Variants in PTDSS2 observed in about 807,000 individuals in gnomAD.
The protein encoded by PTDSS2 is phosphatidylserine synthase 2, also known as PSS-2.
Under a neutral mutation model 64.7 loss-of-function variants are expected in PTDSS2, and 41 were observed. That is an observed-to-expected ratio of 0.63 (90% CI 0.49 to 0.82). The LOEUF is 0.82. Among genes scored for constraint, PTDSS2 ranks in the 40% least tolerant of loss-of-function variants. The pLI, the probability that PTDSS2 is intolerant of heterozygous loss-of-function variation, is 0.00. For missense variants in PTDSS2, 485 were observed against 650.0 expected (o/e 0.75, Z 2.76); for synonymous variants, 297 against 277.8 (o/e 1.07, Z -0.69).
At chr11:468,367 G>T (rs574503791) in intron 2 of PTDSS2, among the ~76,000 whole-genome samples, 1 of 152,240 alleles carries the variant, frequency 6.6e-6, no homozygotes, top group Non-Finnish European at 1.5e-5. Context: ...AGGCCACTCT[G>T]TGTGGCACCA....
intron 6 of PTDSS2, among the ~76,000 whole-genome samples, chr11:487,978 CCGGGGTGGGGGCTG>C (rs1848472653): frequency 6.6e-6 from 1 of 152,124 alleles, no homozygotes; most frequent in Non-Finnish European, 1.5e-5. Context: ...ATGCTGCCAG[CCGGGGTGGGGGCTG>C]CACGCACCCG....
At chr11:453,216 G>C (rs916421329) in intron 1 of PTDSS2, among the ~76,000 whole-genome samples, 1 of 152,196 alleles carries the variant, frequency 6.6e-6, no homozygotes, top group African/African-American at 2.4e-5. Flanking sequence ...GGGTAGCAAG[G>C]ACAATTATGG....
At chr11:452,446 G>A (rs1756701784) in intron 1 of PTDSS2, among the ~76,000 whole-genome samples, 1 of 152,246 alleles carries the variant, frequency 6.6e-6, no homozygotes. Flanking sequence ...GTAGGAGGGG[G>A]CCGGTCTCTT....
Position 456,445 on chromosome 11 carries a change from G to C in PTDSS2, c.183-3742G>C, listed in dbSNP as rs1329320870. 2.0e-5 allele frequency among the ~76,000 whole-genome samples: 3 copies of C among 151,498 alleles called. No individual in the cohort carries two copies. The East Asian group carries it at 5.8e-4, about 29-fold the overall frequency. On this transcript the variant is annotated intron_variant, in intron 1 of 11. Transcript: ENST00000308020. ...TCCTGCCTCAGCCTCCCAAAGCTCTGGAATTACAGGTGTGAGCCACGGTAC... is the reference window on the plus strand; with the variant it reads ...TCCTGCCTCAGCCTCCCAAAGCTCTCGAATTACAGGTGTGAGCCACGGTAC...
chr11:450,727 T>A, intron 1 of PTDSS2, 90 bp downstream of exon 1: 1 of 1,111,020 alleles, frequency 9.0e-7, no homozygotes, highest in Non-Finnish European at 1.1e-6. Flanking sequence ...GGCAGCGCCC[T>A]CTCGCCGTCT....
At chr11:482,458 A>T (rs1168449493) in intron 4 of PTDSS2, among the ~76,000 whole-genome samples, 1 of 151,998 alleles carries the variant, frequency 6.6e-6, no homozygotes, top group East Asian at 1.9e-4. Context: ...CCTGGTCTCA[A>T]GTGAGCCACC....
rs1466643393 is a variant in PTDSS2, at chr11:462,531, G to T, written c.284+2243G>T. Among the ~76,000 whole-genome samples the T allele has an allele frequency of 6.6e-6, 1 of 152,218 alleles. No individual in the cohort carries two copies. The highest frequency in any genetic ancestry group is 1.9e-4 in the East Asian group (1 of 5,192). ...AAGCCACCTGTCCTTCTCTGCTGCTGGCACCTAGAACCTGCTCTGGGCTCC... is the reference window on the plus strand; with the variant it reads ...AAGCCACCTGTCCTTCTCTGCTGCTTGCACCTAGAACCTGCTCTGGGCTCC... On this transcript the variant is annotated intron_variant, in intron 2 of 11. Coordinates refer to ENST00000308020, the MANE Select transcript of PTDSS2 (RefSeq NM_030783.3). The surrounding 1 kb of genome is among the most constrained non-coding windows in gnomAD (Gnocchi z 4.5).
Position 450,650 on chromosome 11 carries a change from G to A in PTDSS2, c.182+13G>A, listed in dbSNP as rs1846271878. On this transcript the variant is annotated intron_variant, in intron 1 of 11. Coordinates refer to ENST00000308020, the MANE Select transcript of PTDSS2 (RefSeq NM_030783.3). ...ACACCTTCTTCTGGTGAGGGCAGTG[G>A]GCGGCCGCGGGGCGGCGAGGGTGCC... The A allele has an allele frequency of 1.6e-6, 2 of 1,243,192 alleles. No individual in the cohort carries two copies. Among genetic ancestry groups the A allele is most frequent in the South Asian group, 4.1e-5 (1 of 24,294 alleles). 77.0% of individuals were successfully genotyped at this position (1,243,192 alleles called of 1,614,324 possible). A position where few individuals can be genotyped will look rare whatever the true frequency, so the allele number is the denominator to read the frequency against.
At position 490,952 on chromosome 11, in the gene PTDSS2, CCT is replaced by C; in HGVS notation, c.*371_*372del. The C allele has an allele frequency of 4.0e-6, 1 of 250,158 alleles. No individual in the cohort carries two copies. Among genetic ancestry groups the C allele is most frequent in the South Asian group, 6.7e-5 (1 of 14,984 alleles). 15.5% of individuals were successfully genotyped at this position (250,158 alleles called of 1,614,324 possible). On this transcript the variant is annotated 3_prime_UTR_variant, in exon 12 of 12. Coordinates refer to ENST00000308020, the MANE Select transcript of PTDSS2 (RefSeq NM_030783.3). ...CCTCAGGAACCAGGGTCCTCCCTCC[CCT>C]TTCTGCCTGGTCAGCCCCGTGGCCT...
At chr11:478,684 A>T (rs1236871307) in intron 3 of PTDSS2, among the ~76,000 whole-genome samples, 1 of 151,482 alleles carries the variant, frequency 6.6e-6, no homozygotes, top group Non-Finnish European at 1.5e-5. Flanking sequence ...TGAAGGTTGC[A>T]GTGAGCTGAG....
Position 476,478 on chromosome 11 carries a change from G to C in PTDSS2, c.367+2501G>C, listed in dbSNP as rs927709342. 6.6e-6 allele frequency among the ~76,000 whole-genome samples: 1 copy of C among 152,178 alleles called. No homozygotes were observed. The highest frequency in any genetic ancestry group is 1.9e-4 in the East Asian group (1 of 5,192). ...AAAGCTGCCGGAAGCTCAACCCATGGCCGTCCTTGCTTGGAGATGCACCAA... is the reference window on the plus strand; with the variant it reads ...AAAGCTGCCGGAAGCTCAACCCATGCCCGTCCTTGCTTGGAGATGCACCAA... On this transcript the variant is annotated intron_variant, in intron 3 of 11. Transcript: ENST00000308020. The surrounding 1 kb of genome is among the most constrained non-coding windows in gnomAD (Gnocchi z 4.9).
intron 4 of PTDSS2, among the ~76,000 whole-genome samples, chr11:485,516 TGCTCACC>T (rs1196279739): frequency 2.8e-5 from 4 of 142,692 alleles, no homozygotes; most frequent in East Asian, 2.2e-4. Flanking sequence ...CAGGCGCGTG[TGCTCACC>T]GTGTGCGCAG....
chr11:481,621 C>G (rs1192961325), intron 4 of PTDSS2, among the ~76,000 whole-genome samples: 1 of 152,144 alleles, frequency 6.6e-6, no homozygotes, highest in African/African-American at 2.4e-5. Context: ...GTAAGTGGAA[C>G]TGTTTTAATT....
rs1230102500 is a variant in PTDSS2 at position 450,410 on chromosome 11, G to C, written c.-46G>C. The C allele has an allele frequency of 3.3e-6, 4 of 1,216,692 alleles. No individual in the cohort carries two copies. 75.4% of individuals were successfully genotyped at this position (1,216,692 alleles called of 1,614,324 possible). ...CGTCCTCTCGCCGGTGACCCGGTGT[G>C]CGTGGGGTCGAGGCGCCGGGCGGAG... On this transcript the variant is annotated 5_prime_UTR_variant, in exon 1 of 12. Transcript: ENST00000308020.
chr11:469,915 G>C (rs987307800), intron 2 of PTDSS2, among the ~76,000 whole-genome samples: 8 of 152,148 alleles, frequency 5.3e-5, no homozygotes, highest in Non-Finnish European at 7.4e-5. Flanking sequence ...CCTCCCAGTG[G>C]CCAAAGAGCA....
chr11:478,944 C>T (rs1847937768), intron 3 of PTDSS2, 141 bp from the exon 4 acceptor site: 1 of 676,898 alleles, frequency 1.5e-6, no homozygotes, highest in South Asian at 1.9e-5. Context: ...TTACAGCTTT[C>T]TTTATAAAGG....
At chr11:455,504 T>C (rs1409673808) in intron 1 of PTDSS2, among the ~76,000 whole-genome samples, 1 of 152,212 alleles carries the variant, frequency 6.6e-6, no homozygotes, top group African/African-American at 2.4e-5. Context: ...TGGAGCCCCT[T>C]GACCTTGTTC....
upstream of PTDSS2, chr11:448,555 C>G (rs1025559525): frequency 4.6e-5 from 7 of 152,146 alleles, no homozygotes; most frequent in African/African-American, 1.7e-4. Context: ...CTCAGCCGAC[C>G]CCAGCTGGAC....
chr11:490,851 G>A lies in PTDSS2; in HGVS notation c.*269G>A. 1 of 469,722 alleles carries A rather than the reference G, an allele frequency of 2.1e-6. No individual in the cohort carries two copies. The highest frequency in any genetic ancestry group is 3.5e-5 in the East Asian group (1 of 28,196). The allele number at this position is 469,722 out of a possible 1,614,324, so 29.1% of individuals were successfully genotyped here. A position where few individuals can be genotyped will look rare whatever the true frequency, so the allele number is the denominator to read the frequency against. ...GCGTGGCCGCCTGTGGTGTGCACGT[G>A]TGCTCTGGGCTCCGAGGCTTCTCCA... On this transcript the variant is annotated 3_prime_UTR_variant, in exon 12 of 12. Coordinates refer to ENST00000308020, the MANE Select transcript of PTDSS2 (RefSeq NM_030783.3).
Sources: gnomAD v4.1 joint callset for allele counts (sites outside exome capture counted in the v4.1 genomes callset) on GRCh38, gnomAD v4.1.1 for gene constraint, Gnocchi (gnomAD v3.1) non-coding constraint, MANE v1.5 for transcripts, NCBI Gene and HGNC (gene_info 2026-07-23, HGNC 2026-07-21) for gene names.